TMEM116: variants seen among roughly 807,000 people sequenced by gnomAD.
The protein encoded by TMEM116 is transmembrane protein 116.
A neutral mutation model predicts 44.3 loss-of-function variants in TMEM116; 38 were observed. The ratio of observed to expected loss-of-function variants is 0.86; its 90% CI spans 0.66 to 1.12. The LOEUF (loss-of-function observed/expected upper bound fraction) is 1.12. TMEM116 is among the 50% of genes most tolerant of loss of function. The pLI, the probability that TMEM116 is intolerant of heterozygous loss-of-function variation, is 0.00. For synonymous variants in TMEM116, 132 were observed against 144.8 expected (o/e 0.91, Z 0.64); for missense variants, 354 against 401.7 (o/e 0.88, Z 1.01).
intron 3 of TMEM116, chr12:112,001,072 T>A: frequency 5.4e-6 from 1 of 183,688 alleles, no homozygotes. Context: ...CTTTCCTCTC[T>A]ATCTGTCTTT....
intron 1 of TMEM116, among the ~76,000 whole-genome samples, chr12:112,008,312 C>T (rs1392248527): frequency 2.0e-5 from 3 of 152,116 alleles, no homozygotes; most frequent in Non-Finnish European, 2.9e-5. Context: ...GAAACCCCGC[C>T]TCTACTAAAA....
intron 4 of TMEM116, among the ~76,000 whole-genome samples, chr12:111,960,840 C>T (rs758671610): frequency 2.6e-5 from 4 of 151,838 alleles, no homozygotes; most frequent in South Asian, 2.1e-4. Context: ...GCAAAACTGA[C>T]GGAGATAGAG....
At chr12:111,949,396 G>T (rs2073540954) in intron 4 of TMEM116, among the ~76,000 whole-genome samples, 1 of 152,068 alleles carries the variant, frequency 6.6e-6, no homozygotes, top group Admixed American at 6.6e-5. Context: ...GCAAGGTTTT[G>T]ACTAGAATGT....
intron 7 of TMEM116, 105 bp from the exon 8 acceptor site, chr12:111,936,935 T>A (rs753937205): frequency 1.5e-5 from 20 of 1,317,800 alleles, no homozygotes; most frequent in Non-Finnish European, 2.1e-5. Flanking sequence ...TTGCTAACTC[T>A]TGCTCATAAA....
At chr12:111,966,065 G>A (rs766614977) in intron 4 of TMEM116, among the ~76,000 whole-genome samples, 8 of 152,228 alleles carry the variant, frequency 5.3e-5, no homozygotes, top group Non-Finnish European at 8.8e-5. Flanking sequence ...CCAGCACTTT[G>A]GGAGGCTGAG....
At chr12:112,005,181 G>T (rs757503839) in intron 2 of TMEM116, 76 bp downstream of exon 2, 3 of 1,005,682 alleles carry the variant, frequency 3.0e-6, no homozygotes, top group Middle Eastern at 2.1e-4. Flanking sequence ...AATCCCCAAG[G>T]GGGAAATGTG....
At chr12:111,967,422 C>T (rs992960438) in intron 4 of TMEM116, among the ~76,000 whole-genome samples, 11 of 151,964 alleles carry the variant, frequency 7.2e-5, no homozygotes, top group African/African-American at 2.4e-4. Flanking sequence ...ACCTGGCAGG[C>T]TTATCAGAAG....
At chr12:111,965,676 G>A (rs1195913346) in intron 4 of TMEM116, 1 of 379,750 alleles carries the variant, frequency 2.6e-6, no homozygotes, top group Admixed American at 3.1e-5. Context: ...TGTAATCCCA[G>A]CACTTTGGGA....
intron 8 of TMEM116, 115 bp downstream of exon 8, chr12:111,936,577 G>T: frequency 1.7e-6 from 2 of 1,206,652 alleles, no homozygotes; most frequent in Non-Finnish European, 2.3e-6. Context: ...TACTTTCTTA[G>T]TTCTAGGACC....
At position 111,955,907 on chromosome 12, in the gene TMEM116, C is replaced by T. The variant is rs2074058491; in HGVS notation, c.211-12538G>A. On this transcript the variant is annotated intron_variant, in intron 4 of 10. Transcript: ENST00000552374. ...CCATATAGCTTAGGTGTATAGTAGG[C>T]TATATCATCTAGGTTTGTGTAAATG... Among the ~76,000 whole-genome samples, 5 of 152,126 alleles carry T rather than the reference C, an allele frequency of 3.3e-5. No homozygotes were observed. In the South Asian group the frequency reaches 1.0e-3, roughly 32 times the overall value.
intron 4 of TMEM116, among the ~76,000 whole-genome samples, chr12:111,986,377 A>G (rs947142533): frequency 7.2e-5 from 11 of 151,918 alleles, no homozygotes; most frequent in South Asian, 6.2e-4. Flanking sequence ...AAAAGAATAA[A>G]AAGTTGGAAG....
At chr12:111,997,130 G>C (rs2076972785) in intron 3 of TMEM116, among the ~76,000 whole-genome samples, 1 of 152,196 alleles carries the variant, frequency 6.6e-6, no homozygotes. Flanking sequence ...TATATGTCTG[G>C]AAGTACAGGT....
chr12:111,969,410 T>A (rs78161075), intron 4 of TMEM116, among the ~76,000 whole-genome samples: 5,096 of 152,000 alleles, frequency 0.034, 203 homozygotes, highest in African/African-American at 0.089. Flanking sequence ...TTATTTATTT[T>A]TTTTTTTTGA....
chr12:111,969,734 C>T (rs1158534266), intron 4 of TMEM116, among the ~76,000 whole-genome samples: 1 of 152,014 alleles, frequency 6.6e-6, no homozygotes. Context: ...CCCGCCACTG[C>T]GCCCGGCTAA....
At chr12:112,008,148 T>TC (rs1340735561) in intron 1 of TMEM116, among the ~76,000 whole-genome samples, 9 of 152,094 alleles carry the variant, frequency 5.9e-5, no homozygotes, top group African/African-American at 2.2e-4. Context: ...ATCACTGCAC[T>TC]CACGCTCCAG....
intron 10 of TMEM116, among the ~76,000 whole-genome samples, chr12:111,932,075 C>T (rs2071692290): frequency 8.1e-6 from 1 of 123,394 alleles, no homozygotes; most frequent in African/African-American, 3.2e-5. Flanking sequence ...AGCTTCAGTG[C>T]CCCCCCTTAT....
chr12:112,003,325 T>C (rs1370119253), intron 3 of TMEM116, among the ~76,000 whole-genome samples: 2 of 152,148 alleles, frequency 1.3e-5, no homozygotes, highest in East Asian at 3.8e-4. Flanking sequence ...TCCCAGCACT[T>C]TGGGAGGCCA....
At chr12:111,973,930 C>CA (rs1414252788) in intron 4 of TMEM116, among the ~76,000 whole-genome samples, 7 of 151,540 alleles carry the variant, frequency 4.6e-5, no homozygotes, top group African/African-American at 9.7e-5. Flanking sequence ...CCCAAAAAAA[C>CA]AAAAAAACAA....
intron 5 of TMEM116, among the ~76,000 whole-genome samples, chr12:111,941,126 C>G (rs1468538142): frequency 2.0e-5 from 3 of 152,004 alleles, no homozygotes; most frequent in Non-Finnish European, 2.9e-5. Flanking sequence ...GCCTGTAATC[C>G]CAGCACTTTG....
Sources: allele counts gnomAD v4.1 joint callset (sites outside exome capture counted in the v4.1 genomes callset), GRCh38; gene constraint gnomAD v4.1.1; transcripts MANE v1.5; gene names NCBI Gene and HGNC (gene_info 2026-07-23, HGNC 2026-07-21).